The following VPS13B variants were observed in gnomAD, a reference collection of about 807,000 sequenced individuals.
VPS13B encodes the protein intermembrane lipid transfer protein VPS13B.
In VPS13B, 285 loss-of-function variants were observed where a neutral mutation model predicts 426.4. That is an observed-to-expected ratio of 0.67 (90% confidence interval 0.61 to 0.74). The LOEUF (loss-of-function observed/expected upper bound fraction) is 0.74. Ranked by LOEUF, VPS13B falls within the 30% of genes least tolerant of loss-of-function variation. The pLI, the probability that VPS13B is intolerant of heterozygous loss-of-function variation, is 0.00. For synonymous variants in VPS13B, 1,676 were observed against 1,676.4 expected (o/e 1.00, Z 0.01); for missense variants, 4,537 against 4,782.6 (o/e 0.95, Z 1.51).
chr8:99,181,801 G>A (rs1812960374), intron 16 of VPS13B, among the ~76,000 whole-genome samples: 1 of 151,774 alleles, frequency 6.6e-6, no homozygotes, highest in Admixed American at 6.6e-5. Context: ...AATATAATAG[G>A]TATAATCTAT....
intron 35 of VPS13B, chr8:99,697,434 A>G: frequency 1.4e-6 from 1 of 690,224 alleles, no homozygotes; most frequent in Non-Finnish European, 2.6e-6. Flanking sequence ...TTGAAGGAGA[A>G]GGAGATAACT....
intron 3 of VPS13B, among the ~76,000 whole-genome samples, chr8:99,058,744 C>T (rs1027684780): frequency 6.6e-6 from 1 of 152,116 alleles, no homozygotes; most frequent in Non-Finnish European, 1.5e-5. Context: ...CCAGATGGAA[C>T]TAAGTCATTG....
chr8:99,436,630 A>G (rs1253808955), intron 22 of VPS13B, among the ~76,000 whole-genome samples: 3 of 152,200 alleles, frequency 2.0e-5, no homozygotes, highest in Non-Finnish European at 2.9e-5. Context: ...CATACTATAT[A>G]TTTAAACATT....
chr8:99,330,878 CT>C (rs1810508175), intron 19 of VPS13B, among the ~76,000 whole-genome samples: 1 of 151,696 alleles, frequency 6.6e-6, no homozygotes, highest in Non-Finnish European at 1.5e-5. Flanking sequence ...TTTGTTCCCC[CT>C]TGTCTTAAGG....
chr8:99,601,965 T>C (rs1029831448), intron 33 of VPS13B, among the ~76,000 whole-genome samples: 3 of 152,220 alleles, frequency 2.0e-5, no homozygotes, highest in Admixed American at 6.5e-5. Flanking sequence ...ACTCTGATGA[T>C]AGTTTCTTTT....
intron 39 of VPS13B, among the ~76,000 whole-genome samples, chr8:99,764,310 CTTTTATT>C (rs1051506915): frequency 3.3e-5 from 5 of 150,930 alleles, no homozygotes; most frequent in African/African-American, 1.2e-4. Flanking sequence ...CTGAGCCACT[CTTTTATT>C]TTTTAAGACA....
intron 17 of VPS13B, among the ~76,000 whole-genome samples, chr8:99,221,111 T>G (rs370329260): frequency 1.6e-5 from 2 of 122,504 alleles, no homozygotes; most frequent in Admixed American, 8.9e-5. Flanking sequence ...CTACAAAGGA[T>G]ATGAACTCAT....
chr8:99,252,117 G>A (rs1318582411), intron 17 of VPS13B, among the ~76,000 whole-genome samples: 1 of 151,482 alleles, frequency 6.6e-6, no homozygotes, highest in Non-Finnish European at 1.5e-5. Flanking sequence ...GCTTACTTTG[G>A]TTTTATTTTG....
At chr8:99,592,909 TAACTC>T (rs1267847793) in intron 33 of VPS13B, among the ~76,000 whole-genome samples, 2 of 152,168 alleles carry the variant, frequency 1.3e-5, no homozygotes, top group South Asian at 2.1e-4. Flanking sequence ...ATGCAAAAGT[TAACTC>T]AAGATGGATT....
intron 17 of VPS13B, among the ~76,000 whole-genome samples, chr8:99,255,949 A>G (rs2132935913): frequency 6.6e-6 from 1 of 152,294 alleles, no homozygotes; most frequent in South Asian, 2.1e-4. Context: ...ATGTTAGAGT[A>G]TGCTGAAGAT....
chr8:99,194,944 C>A (rs1248807373), intron 17 of VPS13B, among the ~76,000 whole-genome samples: 2 of 152,120 alleles, frequency 1.3e-5, no homozygotes, highest in Non-Finnish European at 2.9e-5. Context: ...CTCCCAGGTA[C>A]AAGCAATTCT....
At chr8:99,216,036 T>A (rs1442441857) in intron 17 of VPS13B, among the ~76,000 whole-genome samples, 1 of 152,240 alleles carries the variant, frequency 6.6e-6, no homozygotes, top group African/African-American at 2.4e-5. Flanking sequence ...GATACATTCC[T>A]ACATTGAATT....
At chr8:99,708,457 A>G (rs1832577654) in intron 36 of VPS13B, among the ~76,000 whole-genome samples, 2 of 152,136 alleles carry the variant, frequency 1.3e-5, no homozygotes, top group African/African-American at 4.8e-5. Context: ...TTTATGGGAA[A>G]GAAACACTCC....
intron 17 of VPS13B, among the ~76,000 whole-genome samples, chr8:99,264,884 A>G (rs1818225034): frequency 6.6e-6 from 1 of 151,908 alleles, no homozygotes; most frequent in Non-Finnish European, 1.5e-5. Context: ...TGGATTGCTT[A>G]TGTTGATCTT....
intron 29 of VPS13B, among the ~76,000 whole-genome samples, chr8:99,515,426 C>A (rs556486295): frequency 6.6e-6 from 1 of 150,930 alleles, no homozygotes; most frequent in African/African-American, 2.4e-5. Flanking sequence ...TCCTCCTCCT[C>A]CTGCTGCTGC....
intron 44 of VPS13B, among the ~76,000 whole-genome samples, chr8:99,814,019 AG>A (rs1176974703): frequency 6.6e-6 from 1 of 152,164 alleles, no homozygotes; most frequent in Non-Finnish European, 1.5e-5. Flanking sequence ...ATGTGCCTGT[AG>A]TCCAAGCTAC....
At chr8:99,350,799 TATA>T in intron 19 of VPS13B, among the ~76,000 whole-genome samples, 1 of 151,558 alleles carries the variant, frequency 6.6e-6, no homozygotes, top group Non-Finnish European at 1.5e-5. Context: ...TTATAATATG[TATA>T]TATAATATGC....
chr8:99,572,788 C>T (rs1825549800), intron 31 of VPS13B, among the ~76,000 whole-genome samples: 1 of 152,146 alleles, frequency 6.6e-6, no homozygotes, highest in African/African-American at 2.4e-5. Flanking sequence ...TTTATAGCAG[C>T]ATGATTTATA....
intron 19 of VPS13B, among the ~76,000 whole-genome samples, chr8:99,298,905 G>A (rs1457652263): frequency 6.6e-6 from 1 of 152,210 alleles, no homozygotes; most frequent in Non-Finnish European, 1.5e-5. Flanking sequence ...ACAAGGCCAA[G>A]GAGTGAGTGG....
Sources: gnomAD v4.1 joint callset for allele counts (sites outside exome capture counted in the v4.1 genomes callset) on GRCh38, gnomAD v4.1.1 for gene constraint, MANE v1.5 for transcripts, NCBI Gene and HGNC (gene_info 2026-07-23, HGNC 2026-07-21) for gene names.